Variants in ECPAS observed in about 807,000 individuals in gnomAD.
ECPAS encodes proteasome adapter and scaffold protein ECM29.
Under a neutral mutation model 255.1 loss-of-function variants are expected in ECPAS, and 70 were observed. That is an observed-to-expected ratio of 0.27 (90% CI 0.23 to 0.33). ECPAS has a LOEUF of 0.33. Among genes scored for constraint, ECPAS ranks in the 10% least tolerant of loss-of-function variants. The probability of loss-of-function intolerance (pLI) is 1.00; values close to 1 mark genes in which losing one functional copy is unlikely to be tolerated. For missense variants in ECPAS, 1,817 were observed against 2,206.4 expected (o/e 0.82, Z 3.54); for synonymous variants, 784 against 775.0 (o/e 1.01, Z -0.19).
chr9:111,378,463 G>A (rs1031617448), intron 36 of ECPAS, 117 bp downstream of exon 36: 8 of 1,014,508 alleles, frequency 7.9e-6, no homozygotes, highest in Admixed American at 4.9e-5. Flanking sequence ...CACTGCATGT[G>A]GTGACAGAGG....
At chr9:111,425,051 G>A (rs1181954842) in intron 12 of ECPAS, among the ~76,000 whole-genome samples, 3 of 152,100 alleles carry the variant, frequency 2.0e-5, no homozygotes, top group Non-Finnish European at 4.4e-5. Context: ...GGGTGTGGTG[G>A]TGGCAGGTGC....
intron 24 of ECPAS, among the ~76,000 whole-genome samples, chr9:111,403,466 T>C (rs1171338290): frequency 2.0e-5 from 3 of 150,492 alleles, no homozygotes; most frequent in Non-Finnish European, 4.4e-5. Flanking sequence ...GAAGTAACTA[T>C]ACTTGCATCA....
At chr9:111,426,379 A>C (rs928938875) in intron 10 of ECPAS, among the ~76,000 whole-genome samples, 11 of 151,988 alleles carry the variant, frequency 7.2e-5, no homozygotes, top group South Asian at 2.1e-4. Context: ...AAAAAAAAAA[A>C]AAAAAACTCT....
intron 2 of ECPAS, among the ~76,000 whole-genome samples, chr9:111,462,148 A>C (rs2098273937): frequency 6.6e-6 from 1 of 152,360 alleles, no homozygotes; most frequent in South Asian, 2.1e-4. Flanking sequence ...TAAAGTTTCT[A>C]GAGAAATAAA....
intron 25 of ECPAS, among the ~76,000 whole-genome samples, chr9:111,395,127 T>C (rs529533873): frequency 1.1e-4 from 17 of 152,368 alleles, no homozygotes; most frequent in Non-Finnish European, 2.1e-4. Context: ...TAACTCCTCA[T>C]TGATCACATT....
chr9:111,404,693 CAATT>C (rs2098181306), intron 24 of ECPAS, among the ~76,000 whole-genome samples: 1 of 148,220 alleles, frequency 6.7e-6, no homozygotes, highest in Non-Finnish European at 1.5e-5. Context: ...AACTGTGAGT[CAATT>C]AAACCTGTTT....
intron 9 of ECPAS, 117 bp from the exon 10 acceptor site, chr9:111,428,278 A>T: frequency 1.1e-6 from 1 of 887,078 alleles, no homozygotes; most frequent in African/African-American, 1.7e-5. Flanking sequence ...ATCCCTTTAC[A>T]CTCTTAAAAA....
chr9:111,434,917 TAC>T (rs2098235682), intron 7 of ECPAS, among the ~76,000 whole-genome samples: 2 of 141,622 alleles, frequency 1.4e-5, no homozygotes, highest in East Asian at 4.5e-4. Context: ...TTTTTTTTTT[TAC>T]ACAGAGTCTT....
intron 6 of ECPAS, among the ~76,000 whole-genome samples, chr9:111,438,517 A>G (rs1435865978): frequency 6.6e-6 from 1 of 152,190 alleles, no homozygotes; most frequent in Non-Finnish European, 1.5e-5. Flanking sequence ...CTGAGGTGAG[A>G]GGACTGCTTG....
intron 20 of ECPAS, 142 bp downstream of exon 20, chr9:111,413,753 G>A (rs915684730): frequency 4.3e-6 from 2 of 459,790 alleles, no homozygotes; most frequent in Non-Finnish European, 7.6e-6. Context: ...ATGCTTCCCA[G>A]TAAGTGTCTG....
At chr9:111,467,527 C>CA (rs913172634) in intron 2 of ECPAS, among the ~76,000 whole-genome samples, 8 of 151,974 alleles carry the variant, frequency 5.3e-5, no homozygotes, top group African/African-American at 1.9e-4. Context: ...AAATTTTCTA[C>CA]AAAAAATATT....
chr9:111,482,066 T>G (rs972926448), intron 1 of ECPAS, among the ~76,000 whole-genome samples: 4 of 152,220 alleles, frequency 2.6e-5, no homozygotes, highest in African/African-American at 7.2e-5. Flanking sequence ...CCCACTGAAC[T>G]GTACACTTAA....
Position 111,385,425 on chromosome 9 carries a change from T to A in ECPAS, c.3545A>T (p.Asp1182Val). The A allele has an allele frequency of 6.4e-7, 1 of 1,565,666 alleles. No homozygotes were observed. The highest frequency in any genetic ancestry group is 1.2e-5 in the South Asian group (1 of 84,248). ...VRESSCLALNDLLRGRPLDDI... is the reference protein window; with the variant it reads ...VRESSCLALNVLLRGRPLDDI... ...ATCTAAGGGTCTTCCTCTCAATAAA[T>A]CATTCAAAGCTAAACAGCTGAAAAT... is the stretch of plus-strand genomic sequence containing the variant. Residue 1182 changes from aspartate to valine, a missense_variant, in exon 33 of 50, where the codon GAT (aspartate) becomes GTT (valine). Physicochemically the swap from Asp to Val is radical, Grantham distance 152. This residue lies in a region of ECPAS where 960 missense variants were observed against 1,179.0 expected (regional missense o/e 0.81). Coordinates refer to ENST00000684092, the MANE Select transcript of ECPAS (RefSeq NM_001364929.1).
intron 23 of ECPAS, among the ~76,000 whole-genome samples, chr9:111,409,248 C>G (rs1007088070): frequency 6.6e-6 from 1 of 152,040 alleles, no homozygotes; most frequent in African/African-American, 2.4e-5. Flanking sequence ...TAAACAGTAG[C>G]TAGACCAAGA....
intron 2 of ECPAS, 125 bp from the exon 3 acceptor site, chr9:111,451,680 G>T: frequency 2.5e-6 from 2 of 807,480 alleles, no homozygotes; most frequent in Non-Finnish European, 3.7e-6. Context: ...ACCACAGCTA[G>T]CCCTATACAG....
At chr9:111,374,150 AC>A in intron 38 of ECPAS, 112 bp from the exon 39 acceptor site, 2 of 757,240 alleles carry the variant, frequency 2.6e-6, no homozygotes, top group Non-Finnish European at 4.6e-6. Flanking sequence ...GAAGCCTAAT[AC>A]CCCCTCCAGG....
Position 111,421,976 on chromosome 9 carries a change from A to G in ECPAS, c.1400T>C (p.Leu467Ser), listed in dbSNP as rs1470015810. ...LSMMVGAYSTLEGAQRTLMEA... is the reference protein window; with the variant it reads ...LSMMVGAYSTSEGAQRTLMEA... Reference sequence around the variant, plus strand: ...CATGAGAGTTCGCTGTGCCCCTTCCAAAGTACTATACGCTCCAACCATCAT... The same window carrying G: ...CATGAGAGTTCGCTGTGCCCCTTCCGAAGTACTATACGCTCCAACCATCAT... The change falls in exon 15 of 50, where the codon TTG (leucine) becomes TCG (serine). Residue 467 changes from leucine (L) to serine (S), a missense_variant. Physicochemically the swap from Leu to Ser is moderately radical, Grantham distance 145. Coordinates refer to ENST00000684092, the MANE Select transcript of ECPAS (RefSeq NM_001364929.1). 1 of 1,613,612 alleles carries G rather than the reference A, an allele frequency of 6.2e-7. No individual in the cohort carries two copies. The highest frequency in any genetic ancestry group is 8.5e-7 in the Non-Finnish European group (1 of 1,179,792).
intron 24 of ECPAS, among the ~76,000 whole-genome samples, chr9:111,401,034 A>G (rs963200798): frequency 8.5e-5 from 13 of 152,230 alleles, no homozygotes; most frequent in African/African-American, 2.9e-4. Flanking sequence ...GAAGCAAGTA[A>G]GATATAAAGG....
At chr9:111,439,893 A>G (rs2098243417) in intron 6 of ECPAS, among the ~76,000 whole-genome samples, 1 of 152,168 alleles carries the variant, frequency 6.6e-6, no homozygotes, top group African/African-American at 2.4e-5. Context: ...AGAGTTCCAG[A>G]CACAGCAAGG....
Sources: allele counts gnomAD v4.1 joint callset (sites outside exome capture counted in the v4.1 genomes callset), GRCh38; gene constraint gnomAD v4.1.1; regional missense constraint gnomAD v4.1.1; transcripts MANE v1.5; gene names NCBI Gene and HGNC (gene_info 2026-07-23, HGNC 2026-07-21).